PDE10A: variants seen among roughly 807,000 people sequenced by gnomAD.
The protein encoded by PDE10A is phosphodiesterase 10A.
Under a neutral mutation model 97.7 loss-of-function variants are expected in PDE10A, and 39 were observed. The observed-to-expected ratio is 0.40, with a 90% CI of 0.31 to 0.52. PDE10A has a LOEUF of 0.52. Ranked by LOEUF, PDE10A falls within the 20% of genes least tolerant of loss-of-function variation. The probability of loss-of-function intolerance (pLI) is 0.56; values close to 1 mark genes in which losing one functional copy is unlikely to be tolerated. For missense variants in PDE10A, 731 were observed against 1,047.8 expected (o/e 0.70, Z 4.17); for synonymous variants, 371 against 376.8 (o/e 0.98, Z 0.18).
At position 165,782,908 on chromosome 6, in the gene PDE10A, G is replaced by A. The variant is rs138774719; in HGVS notation, c.-615+204621C>T. Among the ~76,000 whole-genome samples the A allele has an allele frequency of 2.6e-5, 4 of 152,270 alleles. No individual in the cohort carries two copies. In the East Asian group the frequency reaches 7.7e-4, roughly 29 times the overall value. On this transcript the variant is annotated intron_variant, in intron 1 of 19. Coordinates refer to the PDE10A transcript ENST00000366882. ...TTTTTTAAATGCTGCTGCGTATGAA[G>A]GAAAGAAGAAAAGCCACCTATGCAC...
At chr6:165,804,143 C>A (rs973022734) in intron 1 of PDE10A, among the ~76,000 whole-genome samples, 1 of 152,156 alleles carries the variant, frequency 6.6e-6, no homozygotes, top group Non-Finnish European at 1.5e-5. Flanking sequence ...TATAAGTGAA[C>A]AACACATCGG....
At chr6:165,905,984 C>G in intron 1 of PDE10A, among the ~76,000 whole-genome samples, 1 of 44,094 alleles carries the variant, frequency 2.3e-5, no homozygotes. Flanking sequence ...CCTTTTTCTC[C>G]TTCCTTCCTT....
intron 3 of PDE10A, among the ~76,000 whole-genome samples, chr6:165,455,648 G>A (rs901632697): frequency 6.6e-6 from 1 of 152,216 alleles, no homozygotes; most frequent in Non-Finnish European, 1.5e-5. Context: ...AGCCTCGGCT[G>A]TAGAAGAGGT....
chr6:165,890,879 C>T (rs541034472), intron 1 of PDE10A, among the ~76,000 whole-genome samples: 4 of 152,350 alleles, frequency 2.6e-5, no homozygotes, highest in Admixed American at 2.0e-4. Flanking sequence ...ATCCCTACTG[C>T]GGTTCCAACG....
chr6:165,839,286 G>GC lies in PDE10A; in HGVS notation c.-615+148242dup, dbSNP rs1780149980. ...TCAAAGAATTATAATCACTACAGCTGCACAATAAATTATAAAGCGATTCCT... is the reference window on the plus strand; with the variant it reads ...TCAAAGAATTATAATCACTACAGCTGCCACAATAAATTATAAAGCGATTCCT... On this transcript the variant is annotated intron_variant, in intron 1 of 19. Transcript: ENST00000366882. 3.3e-5 allele frequency among the ~76,000 whole-genome samples: 5 copies of GC among 152,246 alleles called. 1 individual carries two copies. The highest frequency in any genetic ancestry group is 1.2e-4 in the African/African-American group (5 of 41,538).
chr6:165,539,107 C>T (rs1409971080), intron 2 of PDE10A, among the ~76,000 whole-genome samples: 1 of 152,006 alleles, frequency 6.6e-6, no homozygotes, highest in East Asian at 1.9e-4. Flanking sequence ...TTTATATATT[C>T]CCTAAATAAG....
At chr6:165,445,839 C>A (rs1215650772) in intron 5 of PDE10A, among the ~76,000 whole-genome samples, 2 of 151,568 alleles carry the variant, frequency 1.3e-5, no homozygotes, top group Non-Finnish European at 2.9e-5. Context: ...GCACTTCTAA[C>A]AAGCCTCGAG....
At chr6:165,683,004 T>G (rs1791018623) in intron 1 of PDE10A, among the ~76,000 whole-genome samples, 1 of 152,182 alleles carries the variant, frequency 6.6e-6, no homozygotes, top group East Asian at 1.9e-4. Flanking sequence ...CCCACCGGAA[T>G]GTAAAAGTGC....
intron 3 of PDE10A, among the ~76,000 whole-genome samples, chr6:165,461,698 C>A (rs541120917): frequency 6.6e-6 from 1 of 152,310 alleles, no homozygotes; most frequent in African/African-American, 2.4e-5. Flanking sequence ...TCTTCCAGGA[C>A]CTTTGACTGA....
chr6:165,570,606 G>A (rs1314579974), intron 1 of PDE10A, among the ~76,000 whole-genome samples: 1 of 152,078 alleles, frequency 6.6e-6, no homozygotes, highest in Non-Finnish European at 1.5e-5. Context: ...GAAATAACTC[G>A]ATTTTCTTTA....
At chr6:165,986,412 G>A (rs1562343759) in intron 1 of PDE10A, 1 of 153,330 alleles carries the variant, frequency 6.5e-6, no homozygotes, top group Non-Finnish European at 1.5e-5. Context: ...GGCAGGAAAG[G>A]CAGAGGGGCA....
At chr6:165,466,467 T>C (rs1778658377) in intron 3 of PDE10A, among the ~76,000 whole-genome samples, 1 of 152,232 alleles carries the variant, frequency 6.6e-6, no homozygotes, top group Non-Finnish European at 1.5e-5. Flanking sequence ...GTCATTTTGA[T>C]TGTGCTTTGC....
At chr6:165,709,325 C>T (rs905050833) in intron 1 of PDE10A, among the ~76,000 whole-genome samples, 1 of 140,390 alleles carries the variant, frequency 7.1e-6, no homozygotes, top group East Asian at 2.3e-4. Flanking sequence ...CCCACTCCAC[C>T]GCTATGCTGT....
chr6:165,582,615 GA>G (rs1785679662), intron 1 of PDE10A, among the ~76,000 whole-genome samples: 3 of 147,516 alleles, frequency 2.0e-5, no homozygotes, highest in South Asian at 4.3e-4. Flanking sequence ...CAACTCAAAG[GA>G]AAAAAAATAA....
chr6:165,629,257 T>C (rs1407399994), intron 1 of PDE10A, among the ~76,000 whole-genome samples: 1 of 152,210 alleles, frequency 6.6e-6, no homozygotes. Flanking sequence ...GCTTTCTTTG[T>C]TCTTCTTAGA....
chr6:165,772,792 AAGAC>A (rs1472223048), intron 1 of PDE10A, among the ~76,000 whole-genome samples: 2 of 152,194 alleles, frequency 1.3e-5, no homozygotes, highest in African/African-American at 2.4e-5. Context: ...AAAAATCCGA[AAGAC>A]AGAATAGTGT....
intron 3 of PDE10A, among the ~76,000 whole-genome samples, chr6:165,479,692 A>C (rs2128279451): frequency 6.6e-6 from 1 of 152,318 alleles, no homozygotes; most frequent in Admixed American, 6.5e-5. Context: ...CTATACTATG[A>C]GAACCTGAAT....
intron 2 of PDE10A, among the ~76,000 whole-genome samples, chr6:165,496,584 T>C (rs1241957652): frequency 6.6e-6 from 1 of 152,226 alleles, no homozygotes; most frequent in Non-Finnish European, 1.5e-5. Context: ...AACTCTCTTC[T>C]GCCTTCCACT....
chr6:165,665,852 G>A (rs1187117650), upstream of PDE10A, among the ~76,000 whole-genome samples: 2 of 152,090 alleles, frequency 1.3e-5, no homozygotes, highest in Admixed American at 6.6e-5. Context: ...TTAAATTAGT[G>A]GACCTATACA....
Sources: allele counts gnomAD v4.1 joint callset (sites outside exome capture counted in the v4.1 genomes callset), GRCh38; gene constraint gnomAD v4.1.1; transcripts MANE v1.5; gene names NCBI Gene and HGNC (gene_info 2026-07-23, HGNC 2026-07-21).